Variants in RYR3 observed in about 807,000 individuals in gnomAD.
RYR3 encodes ryanodine receptor 3.
A neutral mutation model predicts 584.3 loss-of-function variants in RYR3; 207 were observed. The ratio of observed to expected loss-of-function variants is 0.35; its 90% CI spans 0.32 to 0.40. RYR3 has a LOEUF of 0.40. Among genes scored for constraint, RYR3 ranks in the 10% least tolerant of loss-of-function variants. RYR3 has a pLI of 1.00. For synonymous variants in RYR3, 2,416 were observed against 2,248.5 expected (o/e 1.07, Z -2.11); for missense variants, 5,616 against 6,089.2 (o/e 0.92, Z 2.59).
intron 74 of RYR3, 87 bp from the exon 75 acceptor site, chr15:33,816,775 G>C: frequency 1.3e-6 from 1 of 794,006 alleles, no homozygotes; most frequent in Non-Finnish European, 2.1e-6. Flanking sequence ...ACAAAAGTCT[G>C]TCCTGCTTAC....
At chr15:33,318,025 T>C (rs758661458) in intron 1 of RYR3, among the ~76,000 whole-genome samples, 3 of 152,264 alleles carry the variant, frequency 2.0e-5, no homozygotes, top group Non-Finnish European at 2.9e-5. Flanking sequence ...GCAAACACTC[T>C]ATCCTAAAAT....
chr15:33,452,711 T>TA (rs76426030), intron 1 of RYR3, among the ~76,000 whole-genome samples: 85,060 of 151,838 alleles, frequency 0.56, 23,938 homozygotes, highest in Middle Eastern at 0.61. Flanking sequence ...TGTGAGAGGT[T>TA]AAAAAAATTG....
chr15:33,663,073 G>A (rs1311634036), intron 35 of RYR3, 125 bp downstream of exon 35: 1 of 784,544 alleles, frequency 1.3e-6, no homozygotes, highest in Non-Finnish European at 2.1e-6. Context: ...GACTGACCAA[G>A]AGTGCTTGAT....
chr15:33,697,927 G>C lies in RYR3; in HGVS notation c.6180G>C (p.Met2060Ile), dbSNP rs756884380. The change falls in exon 40 of 104, where the codon ATG (methionine) becomes ATC (isoleucine). Residue 2060 changes from methionine to isoleucine, a missense_variant. Met to Ile is a conservative substitution (Grantham distance 10, BLOSUM62 1). Around this residue, in one of 9 missense-constraint regions of RYR3, gnomAD observed 1,280 missense variants for 1,426.2 expected, o/e 0.90. Transcript: ENST00000634891. ...TGTTTTACCAGCATCCCAACCTCAT[G>C]AGAGTCCTGGGCATGCACGAGACGG... ...NKVFYQHPNLMRVLGMHETVM... is the reference protein window; with the variant it reads ...NKVFYQHPNLIRVLGMHETVM... 1 of 1,613,892 alleles carries C rather than the reference G, an allele frequency of 6.2e-7. No homozygotes were observed. The highest frequency in any genetic ancestry group is 1.1e-5 in the South Asian group (1 of 91,062).
At chr15:33,491,234 A>G (rs76881121) in intron 2 of RYR3, among the ~76,000 whole-genome samples, 2,391 of 152,298 alleles carry the variant, frequency 0.016, 58 homozygotes, top group African/African-American at 0.055. Context: ...CAAAGCTATG[A>G]TCTCGACTTC....
At chr15:33,470,998 T>C (rs2048878645) in intron 1 of RYR3, among the ~76,000 whole-genome samples, 2 of 152,220 alleles carry the variant, frequency 1.3e-5, no homozygotes, top group South Asian at 4.1e-4. Flanking sequence ...TTGTGTTCTG[T>C]ATTTTACTCA....
intron 19 of RYR3, 145 bp from the exon 20 acceptor site, chr15:33,623,662 G>A: frequency 1.6e-6 from 1 of 628,584 alleles, no homozygotes. Context: ...ACTGGATGAT[G>A]TTTGCTGTGG....
At chr15:33,453,071 C>CAA (rs11274943) in intron 1 of RYR3, among the ~76,000 whole-genome samples, 1 of 151,772 alleles carries the variant, frequency 6.6e-6, no homozygotes, top group Non-Finnish European at 1.5e-5. Context: ...GGGTTTTTTT[C>CAA]CTTAGGGGCA....
chr15:33,646,306 T>G (rs1474065712), intron 28 of RYR3, 45 bp from the exon 29 acceptor site: 1 of 1,531,790 alleles, frequency 6.5e-7, no homozygotes, highest in Admixed American at 1.8e-5. Context: ...TGGGTCAAGG[T>G]CAGGCCCTTT....
intron 1 of RYR3, among the ~76,000 whole-genome samples, chr15:33,438,989 G>A (rs78453275): frequency 6.6e-6 from 1 of 152,264 alleles, no homozygotes; most frequent in African/African-American, 2.4e-5. Flanking sequence ...GCTGATAAAT[G>A]ACCCAAGAGT....
intron 43 of RYR3, among the ~76,000 whole-genome samples, chr15:33,711,990 A>T (rs945067892): frequency 5.3e-5 from 8 of 152,226 alleles, no homozygotes; most frequent in Non-Finnish European, 1.2e-4. Flanking sequence ...TTTGTTAATA[A>T]AAGAAGTTTA....
At chr15:33,848,103 A>G (rs561847262) in intron 93 of RYR3, among the ~76,000 whole-genome samples, 188 bp from the exon 94 acceptor site, 1 of 152,340 alleles carries the variant, frequency 6.6e-6, no homozygotes, top group East Asian at 1.9e-4. Context: ...GATCAGCTTT[A>G]AAGAGGTAGG....
At chr15:33,421,417 A>G (rs1038676899) in intron 1 of RYR3, among the ~76,000 whole-genome samples, 4 of 152,204 alleles carry the variant, frequency 2.6e-5, no homozygotes, top group African/African-American at 9.6e-5. Context: ...GACTAGGATA[A>G]CGACATTGAG....
rs74005968 is a variant in RYR3 at position 33,716,772 on chromosome 15, A to G, written c.6620-5943A>G. Among the ~76,000 whole-genome samples the G allele has an allele frequency of 3.4e-3, 525 of 152,306 alleles. 2 individuals carry two copies. Among genetic ancestry groups the G allele is most frequent in the African/African-American group, 0.012 (496 of 41,556 alleles). ...TTGGCAGTGGACTCAAAAGTCCAGA[A>G]CCTACTTAATATACGTATGTGGATT... is the stretch of plus-strand genomic sequence containing the variant. On this transcript the variant is annotated intron_variant, in intron 43 of 103. Coordinates refer to ENST00000634891, the MANE Select transcript of RYR3 (RefSeq NM_001036.6).
chr15:33,640,852 G>A lies in RYR3; in HGVS notation c.3557-3459G>A, dbSNP rs141739981. Among the ~76,000 whole-genome samples, 161 of 152,314 alleles carry A rather than the reference G, an allele frequency of 1.1e-3. 1 individual carries two copies. Among genetic ancestry groups the A allele is most frequent in the African/African-American group, 3.8e-3 (156 of 41,574 alleles). On this transcript the variant is annotated intron_variant, in intron 27 of 103. Coordinates refer to ENST00000634891, the MANE Select transcript of RYR3 (RefSeq NM_001036.6). ...TTATATCTATTAGGATGCATGTAGG[G>A]AGGTGGTATTCTTTGCCCTCTTATT... is the stretch of plus-strand genomic sequence containing the variant.
At chr15:33,409,295 A>C (rs1449524300) in intron 1 of RYR3, among the ~76,000 whole-genome samples, 1 of 152,126 alleles carries the variant, frequency 6.6e-6, no homozygotes, top group Non-Finnish European at 1.5e-5. Flanking sequence ...TAAATAAATA[A>C]ATAAGTAAAA....
At chr15:33,400,593 A>G (rs888088786) in intron 1 of RYR3, among the ~76,000 whole-genome samples, 5 of 152,030 alleles carry the variant, frequency 3.3e-5, no homozygotes, top group Admixed American at 1.3e-4. Context: ...TTCTTCCTTC[A>G]TGGAGACTTT....
At chr15:33,359,235 T>C (rs2140992144) in intron 1 of RYR3, among the ~76,000 whole-genome samples, 1 of 152,348 alleles carries the variant, frequency 6.6e-6, no homozygotes, top group South Asian at 2.1e-4. Context: ...TTTTCTTCTC[T>C]TTCAGAAAAA....
intron 45 of RYR3, among the ~76,000 whole-genome samples, chr15:33,725,318 A>G (rs935825692): frequency 2.0e-5 from 3 of 152,116 alleles, no homozygotes; most frequent in Non-Finnish European, 4.4e-5. Flanking sequence ...AGGCGGCACC[A>G]GGGTGCGTGG....
Sources: allele counts gnomAD v4.1 joint callset (sites outside exome capture counted in the v4.1 genomes callset), GRCh38; gene constraint gnomAD v4.1.1; regional missense constraint gnomAD v4.1.1; transcripts MANE v1.5; gene names NCBI Gene and HGNC (gene_info 2026-07-23, HGNC 2026-07-21).